Variants in ATG10 observed in about 807,000 individuals in gnomAD.
ATG10 encodes the protein ubiquitin-like-conjugating enzyme ATG10.
A neutral mutation model predicts 32.1 loss-of-function variants in ATG10; 30 were observed. That is an observed-to-expected ratio of 0.94 (90% CI 0.70 to 1.27). The LOEUF (loss-of-function observed/expected upper bound fraction) is 1.27, where lower values mean the gene tolerates loss of function less well. Ranked by LOEUF, ATG10 falls within the 50% of genes most tolerant of loss-of-function variation. ATG10 has a pLI of 0.00. For synonymous variants in ATG10, 87 were observed against 91.5 expected (o/e 0.95, Z 0.28); for missense variants, 233 against 262.3 (o/e 0.89, Z 0.77).
chr5:82,000,661 T>C (rs950658844), intron 2 of ATG10, among the ~76,000 whole-genome samples: 2 of 99,302 alleles, frequency 2.0e-5, no homozygotes, highest in Non-Finnish European at 5.2e-5. Flanking sequence ...GTAGCATTTC[T>C]TTTTTTTGTT....
In ATG10 at chr5:82,012,566, G is replaced by T. The variant is rs1762157157; in HGVS notation, c.108+24888G>T. On this transcript the variant is annotated intron_variant, in intron 2 of 7. Transcript: ENST00000282185. The stretch of plus-strand genomic sequence containing the variant: ...CACTCCTCTGTGTTTCCATACAATT[G>T]GTGTACAATTCTGTATGGTGGTCAT... 2.6e-5 allele frequency among the ~76,000 whole-genome samples: 4 copies of T among 152,074 alleles called. No individual in the cohort carries two copies. In the South Asian group the frequency reaches 8.3e-4, roughly 32 times the overall value.
chr5:82,078,243 G>A (rs970644233), intron 3 of ATG10, among the ~76,000 whole-genome samples: 3 of 151,904 alleles, frequency 2.0e-5, no homozygotes, highest in East Asian at 1.9e-4. Flanking sequence ...ACACATTTTT[G>A]TATCCAAAGA....
At chr5:82,014,575 A>G (rs988669981) in intron 2 of ATG10, among the ~76,000 whole-genome samples, 8 of 152,124 alleles carry the variant, frequency 5.3e-5, no homozygotes, top group African/African-American at 1.9e-4. Flanking sequence ...TCCCTTTACC[A>G]TTATGTAATG....
intron 2 of ATG10, among the ~76,000 whole-genome samples, chr5:82,020,677 C>G (rs1422404424): frequency 6.6e-6 from 1 of 152,126 alleles, no homozygotes; most frequent in East Asian, 1.9e-4. Context: ...GTTCCATGTT[C>G]TGGCAGGCCA....
chr5:82,008,311 T>A (rs1486944701), intron 2 of ATG10, among the ~76,000 whole-genome samples: 2 of 152,126 alleles, frequency 1.3e-5, no homozygotes, highest in East Asian at 3.8e-4. Flanking sequence ...TTTCTTTACC[T>A]TAGGAGATTA....
chr5:82,057,368 T>A (rs1763636301), intron 2 of ATG10, among the ~76,000 whole-genome samples: 1 of 152,190 alleles, frequency 6.6e-6, no homozygotes, highest in African/African-American at 2.4e-5. Flanking sequence ...GAAATCAAGA[T>A]GTTGGCAGGG....
At chr5:82,252,474 C>A (rs1747292528) in intron 5 of ATG10, 88 bp from the exon 6 acceptor site, 2 of 798,670 alleles carry the variant, frequency 2.5e-6, no homozygotes, top group Admixed American at 5.0e-5. Flanking sequence ...TGAGACAAAC[C>A]TTTATTTTAA....
intron 3 of ATG10, among the ~76,000 whole-genome samples, chr5:82,104,989 A>G (rs1236453067): frequency 2.6e-5 from 4 of 152,162 alleles, no homozygotes; most frequent in Non-Finnish European, 5.9e-5. Context: ...TGCTGCATCC[A>G]TCTAGAAATC....
chr5:82,045,870 A>G (rs1484971963), intron 2 of ATG10, among the ~76,000 whole-genome samples: 1 of 151,948 alleles, frequency 6.6e-6, no homozygotes, highest in African/African-American at 2.4e-5. Context: ...AATATTGAAT[A>G]TTCTTTTTGG....
At chr5:82,125,433 C>A (rs2149833861) in intron 3 of ATG10, among the ~76,000 whole-genome samples, 2 of 152,078 alleles carry the variant, frequency 1.3e-5, no homozygotes, top group South Asian at 4.1e-4. Context: ...TTTAATCCAT[C>A]TTGAGTTAAT....
chr5:82,186,115 T>TTGC (rs1369874150), intron 5 of ATG10, among the ~76,000 whole-genome samples: 1 of 152,188 alleles, frequency 6.6e-6, no homozygotes, highest in Non-Finnish European at 1.5e-5. Flanking sequence ...GCTTTATGGA[T>TTGC]TGCTGCTGCT....
chr5:82,053,023 G>T (rs1166784475), intron 2 of ATG10, among the ~76,000 whole-genome samples: 1 of 152,128 alleles, frequency 6.6e-6, no homozygotes, highest in East Asian at 1.9e-4. Flanking sequence ...GATCCAAGGT[G>T]TGTGCATTTT....
In ATG10 at chr5:82,248,483, A is replaced by C. The variant is rs138683969; in HGVS notation, c.454-4079A>C. Among the ~76,000 whole-genome samples, 579 of 152,284 alleles carry C rather than the reference A, an allele frequency of 3.8e-3. 2 individuals carry two copies. Among genetic ancestry groups the C allele is most frequent in the Non-Finnish European group, 6.0e-3 (409 of 68,032 alleles). On this transcript the variant is annotated intron_variant, in intron 5 of 7. Transcript: ENST00000282185. ...GAAGAGGAGGAGGGGATATGGAAGT[A>C]CTTCCAGGCAAGAAGGCTTCAGATT...
rs1022772034 is a variant in ATG10, at chr5:82,029,380, C to G, written c.109-29115C>G. On this transcript the variant is annotated intron_variant, in intron 2 of 7. Transcript: ENST00000282185. ...TCATATAAACACCACAAAATCCCCT[C>G]CAGTTTACCCTATTATTCAAATATG... Among the ~76,000 whole-genome samples the G allele has an allele frequency of 4.5e-4, 69 of 152,214 alleles. 1 individual carries two copies. Among genetic ancestry groups the G allele is most frequent in the Middle Eastern group, 3.4e-3 (1 of 294 alleles).
intron 4 of ATG10, among the ~76,000 whole-genome samples, chr5:82,168,366 T>G (rs1743662892): frequency 6.6e-6 from 1 of 152,254 alleles, no homozygotes; most frequent in South Asian, 2.1e-4. Context: ...GAATTCTGAT[T>G]CATCTCTTTC....
intron 2 of ATG10, among the ~76,000 whole-genome samples, chr5:81,990,729 T>C (rs1761428910): frequency 6.6e-6 from 1 of 152,142 alleles, no homozygotes; most frequent in Admixed American, 6.5e-5. Context: ...AACATTACAA[T>C]AAATGGGTCA....
intron 3 of ATG10, among the ~76,000 whole-genome samples, chr5:82,097,277 C>CA (rs1456652460): frequency 6.6e-6 from 1 of 151,918 alleles, no homozygotes; most frequent in Non-Finnish European, 1.5e-5. Context: ...TTCCTTTTGC[C>CA]AGAACCCAAA....
At chr5:82,109,189 C>T (rs1013314455) in intron 3 of ATG10, among the ~76,000 whole-genome samples, 7 of 152,008 alleles carry the variant, frequency 4.6e-5, no homozygotes, top group Admixed American at 2.6e-4. Context: ...TGCCTTGTTC[C>T]TCAATCAGCA....
chr5:82,051,821 A>G (rs191660464), intron 2 of ATG10, among the ~76,000 whole-genome samples: 1 of 152,270 alleles, frequency 6.6e-6, no homozygotes, highest in Non-Finnish European at 1.5e-5. Context: ...TTTAACTTTA[A>G]AAAATGGATG....
Sources: allele counts gnomAD v4.1 joint callset (sites outside exome capture counted in the v4.1 genomes callset), GRCh38; gene constraint gnomAD v4.1.1; transcripts MANE v1.5; gene names NCBI Gene and HGNC (gene_info 2026-07-23, HGNC 2026-07-21).